The following SEPSECS variants were observed in gnomAD, a reference collection of about 807,000 sequenced individuals.
SEPSECS encodes the protein O-phosphoseryl-tRNA(Sec) selenium transferase.
In SEPSECS, 42 loss-of-function variants were observed where a neutral mutation model predicts 52.1. The observed-to-expected ratio is 0.81, with a 90% confidence interval of 0.63 to 1.04. SEPSECS has a LOEUF of 1.04. Among genes scored for constraint, SEPSECS ranks in the 50% least tolerant of loss-of-function variants. The probability of loss-of-function intolerance (pLI) is 0.00; values close to 1 mark genes in which losing one functional copy is unlikely to be tolerated. For missense variants in SEPSECS, 590 were observed against 610.6 expected (o/e 0.97, Z 0.36); for synonymous variants, 216 against 211.4 (o/e 1.02, Z -0.19).
chr4:25,151,979 C>A lies in SEPSECS; in HGVS notation c.785G>T (p.Cys262Phe). Residue 262 changes from cysteine to phenylalanine, a missense_variant, in exon 6 of 11, where the codon TGT (cysteine) becomes TTT (phenylalanine). Cys to Phe is a radical substitution (Grantham distance 205). Transcript: ENST00000382103. ...TCTTACCTGCTGAATGAGATGCATA[C>A]ACTTTGAAGACTGCACTCCATAAGC... is the stretch of plus-strand genomic sequence containing the variant. ...NNAYGVQSSK[C>F]MHLIQQGARV... The A allele has an allele frequency of 6.3e-7, 1 of 1,579,622 alleles. No individual in the cohort carries two copies. Among genetic ancestry groups the A allele is most frequent in the Non-Finnish European group, 8.7e-7 (1 of 1,148,854 alleles).
At position 25,144,764 on chromosome 4, in the gene SEPSECS, G is replaced by A. The variant is rs1200031270; in HGVS notation, c.1026+10C>T. On this transcript the variant is annotated intron_variant, in intron 8 of 10. Coordinates refer to ENST00000382103, the MANE Select transcript of SEPSECS (RefSeq NM_016955.4). ...AAGAATGTTATTCGACACCTAAAGGGAAAGCTTACCTTTCTTTCTTTTAGT... is the reference window on the plus strand; with the variant it reads ...AAGAATGTTATTCGACACCTAAAGGAAAAGCTTACCTTTCTTTCTTTTAGT... 2 of 1,581,052 alleles carry A rather than the reference G, an allele frequency of 1.3e-6. No individual in the cohort carries two copies. The highest frequency in any genetic ancestry group is 2.2e-5 in the South Asian group (2 of 90,270).
chr4:25,155,165 C>T lies in SEPSECS; in HGVS notation c.548-14G>A, dbSNP rs776360357. On this transcript the variant is annotated splice_polypyrimidine_tract_variant and intron_variant, in intron 4 of 10. Coordinates refer to ENST00000382103, the MANE Select transcript of SEPSECS (RefSeq NM_016955.4). ...CAGGCTCAAAACCTAACCAAACCAA[C>T]CAGAAAACAAAATGTTAGTGTGAAC... The T allele has an allele frequency of 7.4e-6, 12 of 1,613,728 alleles. No individual in the cohort carries two copies. The African/African-American group carries it at 9.3e-5, about 13-fold the overall frequency.
intron 6 of SEPSECS, among the ~76,000 whole-genome samples, chr4:25,149,514 T>C (rs921212159): frequency 6.6e-6 from 1 of 152,156 alleles, no homozygotes; most frequent in Non-Finnish European, 1.5e-5. Flanking sequence ...ACACAATGAA[T>C]ATAACTATGT....
intron 8 of SEPSECS, among the ~76,000 whole-genome samples, chr4:25,142,469 T>C (rs1711628917): frequency 6.6e-6 from 1 of 152,248 alleles, no homozygotes; most frequent in African/African-American, 2.4e-5. Flanking sequence ...ATAGGCAATG[T>C]GTGCTCCTCA....
rs535662714 is a variant in SEPSECS at position 25,135,351 on chromosome 4, A to T, written c.1027-7994T>A. ...ACTAATAAGAAAAGAGAGAAGAATC[A>T]AATAGACACAACAAAAATGATAAAC... On this transcript the variant is annotated intron_variant, in intron 8 of 10. Transcript: ENST00000382103. 1.8e-4 allele frequency among the ~76,000 whole-genome samples: 28 copies of T among 152,246 alleles called. No homozygotes were observed. The South Asian group carries it at 5.8e-3, about 32-fold the overall frequency.
At chr4:25,135,816 A>G (rs1728819755) in intron 8 of SEPSECS, among the ~76,000 whole-genome samples, 1 of 152,104 alleles carries the variant, frequency 6.6e-6, no homozygotes, top group Non-Finnish European at 1.5e-5. Context: ...CTGGCAAACC[A>G]GAAGCACATC....
chr4:25,140,684 T>G (rs1332920469), intron 8 of SEPSECS, among the ~76,000 whole-genome samples: 2 of 152,206 alleles, frequency 1.3e-5, no homozygotes, highest in African/African-American at 4.8e-5. Flanking sequence ...TATAAATGTA[T>G]AAGGATGTAT....
At chr4:25,151,894 T>C in intron 6 of SEPSECS, 66 bp downstream of exon 6, 1 of 894,750 alleles carries the variant, frequency 1.1e-6, no homozygotes, top group Non-Finnish European at 1.9e-6. Flanking sequence ...TAAGAAAAAG[T>C]AATAATCCTA....
chr4:25,159,163 A>C (rs1215468374), intron 1 of SEPSECS, 56 bp from the exon 2 acceptor site: 1 of 1,370,058 alleles, frequency 7.3e-7, no homozygotes, highest in Non-Finnish European at 9.9e-7. Flanking sequence ...GTTCTCTAGA[A>C]TACTACAGGA....
intron 5 of SEPSECS, among the ~76,000 whole-genome samples, chr4:25,154,751 A>G (rs1295990768): frequency 6.6e-6 from 1 of 152,178 alleles, no homozygotes; most frequent in Admixed American, 6.5e-5. Flanking sequence ...GAAAACAGAG[A>G]CGGTCTGCAT....
At chr4:25,143,147 T>C (rs541919430) in intron 8 of SEPSECS, among the ~76,000 whole-genome samples, 19 of 152,338 alleles carry the variant, frequency 1.2e-4, no homozygotes, top group African/African-American at 2.9e-4. Flanking sequence ...CAATTTGGAG[T>C]TTATAAAACC....
Position 25,121,425 on chromosome 4 carries a change from A to C in SEPSECS, c.*2506T>G, listed in dbSNP as rs1027777244. On this transcript the variant is annotated 3_prime_UTR_variant, in exon 11 of 11. Coordinates refer to ENST00000382103, the MANE Select transcript of SEPSECS (RefSeq NM_016955.4). ...AGGGTAGTTGGGTCAAAAAGATAGA[A>C]GAGGTTATCTTCGGCAATGATTGGT... The C allele has an allele frequency of 6.6e-6, 1 of 152,208 alleles. No homozygotes were observed. The highest frequency in any genetic ancestry group is 1.5e-5 in the Non-Finnish European group (1 of 68,006). 9.4% of individuals were successfully genotyped at this position (152,208 alleles called of 1,614,324 possible). A position where few individuals can be genotyped will look rare whatever the true frequency, so the allele number is the denominator to read the frequency against.
intron 8 of SEPSECS, among the ~76,000 whole-genome samples, chr4:25,141,036 A>G (rs1729043800): frequency 6.6e-6 from 1 of 152,208 alleles, no homozygotes. Flanking sequence ...ATTCAGTATT[A>G]TAAGTAATCT....
Position 25,120,061 on chromosome 4 carries a change from T to A in SEPSECS, c.*3870A>T, listed in dbSNP as rs187861688. The A allele has an allele frequency of 1.7e-3, 253 of 152,210 alleles. 1 individual carries two copies. The highest frequency in any genetic ancestry group is 6.0e-3 in the African/African-American group (248 of 41,568). 9.4% of individuals were successfully genotyped at this position (152,210 alleles called of 1,614,324 possible). A position where few individuals can be genotyped will look rare whatever the true frequency, so the allele number is the denominator to read the frequency against. ...ATATAATAAATTATATAATTTATTT[T>A]CATCTTTAAACAGTCTACACCGAAA... On this transcript the variant is annotated 3_prime_UTR_variant, in exon 11 of 11. Coordinates refer to ENST00000382103, the MANE Select transcript of SEPSECS (RefSeq NM_016955.4).
intron 8 of SEPSECS, among the ~76,000 whole-genome samples, chr4:25,132,113 T>C (rs1373499377): frequency 6.6e-6 from 1 of 152,196 alleles, no homozygotes; most frequent in Non-Finnish European, 1.5e-5. Context: ...TCTGATCCTT[T>C]CACCCTTCAA....
chr4:25,138,449 A>T (rs953241367), intron 8 of SEPSECS, among the ~76,000 whole-genome samples: 1 of 151,682 alleles, frequency 6.6e-6, no homozygotes, highest in Non-Finnish European at 1.5e-5. Flanking sequence ...GCAAGACCCT[A>T]TCTCTATTTA....
intron 6 of SEPSECS, among the ~76,000 whole-genome samples, chr4:25,149,165 C>T (rs555508920): frequency 2.0e-5 from 3 of 152,214 alleles, no homozygotes; most frequent in African/African-American, 7.2e-5. Flanking sequence ...TCATGCCATT[C>T]TCCTGCCTCA....
intron 9 of SEPSECS, among the ~76,000 whole-genome samples, chr4:25,126,059 T>G (rs1728352095): frequency 6.6e-6 from 1 of 152,140 alleles, no homozygotes; most frequent in African/African-American, 2.4e-5. Flanking sequence ...AATAACATGA[T>G]CAGTGTGGCT....
Position 25,159,012 on chromosome 4 carries a change from A to G in SEPSECS, c.210T>C (p.Cys70=). The G allele has an allele frequency of 1.2e-6, 2 of 1,613,784 alleles. No individual in the cohort carries two copies. Among genetic ancestry groups the G allele is most frequent in the East Asian group, 4.5e-5 (2 of 44,880 alleles). The change falls in exon 2 of 11, where the codon TGT becomes TGC. Residue 70 remains cysteine, a synonymous_variant. Coordinates refer to ENST00000382103, the MANE Select transcript of SEPSECS (RefSeq NM_016955.4). ...IMDSNNFLGN[C]GVGEREGRVA... Reference sequence around the variant, plus strand: ...CTCTCCCTTCCCTTTCTCCCACACCACAATTGCCTAAGAAATTGTTGCTGT... The same window carrying G: ...CTCTCCCTTCCCTTTCTCCCACACCGCAATTGCCTAAGAAATTGTTGCTGT...
Sources: allele counts gnomAD v4.1 joint callset (sites outside exome capture counted in the v4.1 genomes callset), GRCh38; gene constraint gnomAD v4.1.1; transcripts MANE v1.5; gene names NCBI Gene and HGNC (gene_info 2026-07-23, HGNC 2026-07-21).